The following DLG2 variants were observed in gnomAD, a reference collection of about 807,000 sequenced individuals.
The protein encoded by DLG2 is disks large homolog 2.
A neutral mutation model predicts 132.5 loss-of-function variants in DLG2; 45 were observed. The observed-to-expected ratio is 0.34, with a 90% CI of 0.27 to 0.44. DLG2 has a LOEUF of 0.44. Among genes scored for constraint, DLG2 ranks in the 20% least tolerant of loss-of-function variants. The pLI is 1.00. For missense variants in DLG2, 1,045 were observed against 1,196.9 expected (o/e 0.87, Z 1.87); for synonymous variants, 424 against 419.6 (o/e 1.01, Z -0.13).
At chr11:84,761,504 G>T (rs1217821371) in intron 6 of DLG2, among the ~76,000 whole-genome samples, 2 of 152,158 alleles carry the variant, frequency 1.3e-5, no homozygotes, top group Non-Finnish European at 2.9e-5. Flanking sequence ...CCTCATTCTA[G>T]GTGGGCACAA....
At chr11:84,960,314 G>A (rs936224416) in intron 6 of DLG2, among the ~76,000 whole-genome samples, 1 of 151,992 alleles carries the variant, frequency 6.6e-6, no homozygotes, top group Non-Finnish European at 1.5e-5. Flanking sequence ...ATGAAATAAA[G>A]GAATATTTAA....
At chr11:84,446,453 G>T (rs1226999826) in intron 7 of DLG2, among the ~76,000 whole-genome samples, 3 of 152,052 alleles carry the variant, frequency 2.0e-5, no homozygotes, top group Admixed American at 2.0e-4. Context: ...TATAGTTTCT[G>T]TGGGAGTCCC....
intron 19 of DLG2, among the ~76,000 whole-genome samples, chr11:83,578,636 C>T (rs1369427639): frequency 2.0e-5 from 3 of 152,000 alleles, no homozygotes; most frequent in Non-Finnish European, 2.9e-5. Context: ...ATAAAAAAAG[C>T]AGATTTCAGA....
At chr11:83,939,102 C>T (rs113828056) in intron 14 of DLG2, among the ~76,000 whole-genome samples, 20 of 152,258 alleles carry the variant, frequency 1.3e-4, no homozygotes, top group African/African-American at 3.9e-4. Context: ...ATCATTGCCT[C>T]GGTTGAACTG....
At chr11:85,173,869 T>A (rs972668999) in intron 4 of DLG2, among the ~76,000 whole-genome samples, 2 of 151,930 alleles carry the variant, frequency 1.3e-5, no homozygotes, top group African/African-American at 4.8e-5. Context: ...TCAAAAAAGA[T>A]AAAGAAGGGC....
intron 6 of DLG2, among the ~76,000 whole-genome samples, chr11:84,669,006 G>A (rs765944320): frequency 6.6e-6 from 1 of 152,042 alleles, no homozygotes; most frequent in East Asian, 1.9e-4. Flanking sequence ...TTCAAATTGG[G>A]GGAGTATATA....
intron 19 of DLG2, among the ~76,000 whole-genome samples, chr11:83,551,693 C>T (rs939902682): frequency 1.3e-5 from 2 of 151,964 alleles, no homozygotes; most frequent in Non-Finnish European, 2.9e-5. Context: ...CTCATATGCC[C>T]GTAAAGTTTC....
chr11:84,200,962 G>A (rs1015404827), intron 8 of DLG2, among the ~76,000 whole-genome samples: 4 of 152,084 alleles, frequency 2.6e-5, no homozygotes, highest in African/African-American at 9.7e-5. Context: ...TGATTTCCCT[G>A]GCAGAACTTC....
At chr11:84,590,021 A>G (rs933605657) in intron 6 of DLG2, among the ~76,000 whole-genome samples, 1 of 152,220 alleles carries the variant, frequency 6.6e-6, no homozygotes, top group African/African-American at 2.4e-5. Flanking sequence ...ATGGATATGC[A>G]CTTTGGAAAT....
rs552579409 is a variant in DLG2, at chr11:85,437,271, C to A, written c.41-151906G>T. The stretch of plus-strand genomic sequence containing the variant: ...CCATGCCACATGTATACCTATGTGA[C>A]AAACCTGCATGTTCTGCTCATGTAT... On this transcript the variant is annotated intron_variant, in intron 3 of 27. Coordinates refer to ENST00000376104, the MANE Select transcript of DLG2 (RefSeq NM_001142699.3). Among the ~76,000 whole-genome samples the A allele has an allele frequency of 7.6e-5, 11 of 144,644 alleles. 1 individual carries two copies. Among genetic ancestry groups the A allele is most frequent in the African/African-American group, 2.6e-4 (10 of 38,512 alleles). 94.9% of individuals were successfully genotyped at this position (144,644 alleles called of 152,430 possible).
chr11:84,259,594 T>C (rs748642041), intron 7 of DLG2, among the ~76,000 whole-genome samples: 5 of 152,178 alleles, frequency 3.3e-5, no homozygotes, highest in Non-Finnish European at 5.9e-5. Flanking sequence ...GAAGCAACTT[T>C]GGAGGAAGCT....
At chr11:83,506,216 A>C (rs1175975629) in intron 21 of DLG2, among the ~76,000 whole-genome samples, 1 of 152,114 alleles carries the variant, frequency 6.6e-6, no homozygotes, top group African/African-American at 2.4e-5. Flanking sequence ...GCCATCTTTT[A>C]ATCCATATTT....
intron 15 of DLG2, 143 bp from the exon 16 acceptor site, chr11:83,874,631 C>T (rs1045284154): frequency 4.4e-6 from 2 of 456,478 alleles, no homozygotes; most frequent in Non-Finnish European, 3.8e-6. Context: ...TGGTGTGCTG[C>T]ACCCATTAAC....
intron 9 of DLG2, among the ~76,000 whole-genome samples, chr11:84,159,003 G>T (rs2095489745): frequency 6.6e-6 from 1 of 152,148 alleles, no homozygotes; most frequent in Non-Finnish European, 1.5e-5. Context: ...TGGCAACTGA[G>T]GTACAGAGAG....
intron 4 of DLG2, among the ~76,000 whole-genome samples, chr11:85,204,559 T>A (rs997130016): frequency 2.0e-5 from 3 of 152,044 alleles, no homozygotes; most frequent in Admixed American, 2.0e-4. Flanking sequence ...AATAGAAAGA[T>A]ATCCCATGCT....
intron 3 of DLG2, chr11:85,524,851 T>C (rs1418553934): frequency 6.6e-6 from 1 of 152,008 alleles, no homozygotes; most frequent in East Asian, 1.9e-4. Context: ...TCTCTGGTTA[T>C]TAAAAAAAAG....
At chr11:85,069,667 G>C (rs2065498513) in intron 6 of DLG2, among the ~76,000 whole-genome samples, 1 of 152,118 alleles carries the variant, frequency 6.6e-6, no homozygotes, top group South Asian at 2.1e-4. Flanking sequence ...ATGCTAGAGA[G>C]GATGTGGAGA....
In DLG2 at chr11:83,833,294, C is replaced by CG. The variant is rs532708236; in HGVS notation, c.1722+319dup. ...CTTTACTTAAAATACAAAAATTAGT[C>CG]GGATGTGGCGGTGGGCAGCTATAAT... On this transcript the variant is annotated intron_variant, in intron 17 of 27. Coordinates refer to ENST00000376104, the MANE Select transcript of DLG2 (RefSeq NM_001142699.3). Among the ~76,000 whole-genome samples the CG allele has an allele frequency of 2.2e-4, 34 of 152,126 alleles. No individual in the cohort carries two copies. In the East Asian group the frequency reaches 6.2e-3, roughly 28 times the overall value.
intron 16 of DLG2, among the ~76,000 whole-genome samples, chr11:83,837,031 G>C (rs2056366607): frequency 6.6e-6 from 1 of 152,054 alleles, no homozygotes; most frequent in Non-Finnish European, 1.5e-5. Context: ...GAGAAGATGG[G>C]GTGCTGACTA....
Sources: allele counts gnomAD v4.1 joint callset (sites outside exome capture counted in the v4.1 genomes callset), GRCh38; gene constraint gnomAD v4.1.1; transcripts MANE v1.5; gene names NCBI Gene and HGNC (gene_info 2026-07-23, HGNC 2026-07-21).